ZNF445: variants seen among roughly 807,000 people sequenced by gnomAD.
The protein encoded by ZNF445 is zinc finger protein 445.
Under a neutral mutation model 93.9 loss-of-function variants are expected in ZNF445, and 19 were observed. That is an observed-to-expected ratio of 0.20 (90% CI 0.14 to 0.30). The LOEUF is 0.30. Ranked by LOEUF, ZNF445 falls within the 10% of genes least tolerant of loss-of-function variation. The pLI, the probability that ZNF445 is intolerant of heterozygous loss-of-function variation, is 1.00. For synonymous variants in ZNF445, 449 were observed against 446.3 expected, an observed-to-expected ratio of 1.01 and a Z score of -0.08; for missense variants, 1,058 against 1,259.4, an observed-to-expected ratio of 0.84 and a Z score of 2.42.
At chr3:44,461,053 G>A (rs1206407471) in intron 1 of ZNF445, among the ~76,000 whole-genome samples, 1 of 152,188 alleles carries the variant, frequency 6.6e-6, no homozygotes, top group Non-Finnish European at 1.5e-5. Context: ...TAGTCCTGGG[G>A]GGACATCCCT....
chr3:44,464,038 A>T (rs1318409012), intron 1 of ZNF445, among the ~76,000 whole-genome samples: 1 of 152,168 alleles, frequency 6.6e-6, no homozygotes, highest in East Asian at 1.9e-4. Context: ...AGGCAGGACA[A>T]TCGCTTGAAC....
In ZNF445 at chr3:44,447,231, G is replaced by A. The variant is rs1328575899; in HGVS notation, c.2440C>T (p.Leu814Phe). 1.2e-6 allele frequency: 2 copies of A among 1,614,148 alleles called. No individual in the cohort carries two copies. The highest frequency in any genetic ancestry group is 1.7e-5 in the Admixed American group (1 of 60,020). ...TCATGGCAATCATACTGTTTTTGAA[G>A]AGAGTGAATCCTCTGATGTCGGTAG... ...NLYRHQRIHSLQKQYDCHESE... is the reference protein window; with the variant it reads ...NLYRHQRIHSFQKQYDCHESE... Residue 814 changes from leucine (L) to phenylalanine (F), a missense_variant, in exon 8 of 8, where the codon CTT (leucine) becomes TTT (phenylalanine). Around this residue, in one of 3 missense-constraint regions of ZNF445, gnomAD observed 387 missense variants for 475.7 expected, o/e 0.81. Coordinates refer to ENST00000396077, the MANE Select transcript of ZNF445 (RefSeq NM_181489.6). The surrounding 1 kb of genome is among the most constrained non-coding windows in gnomAD (Gnocchi z 4.7).
In ZNF445 at chr3:44,451,212, A is replaced by G; in HGVS notation, c.598+102T>C. 2.1e-6 allele frequency: 3 copies of G among 1,420,318 alleles called. No individual in the cohort carries two copies. The South Asian group carries it at 3.8e-5, about 18-fold the overall frequency. 88.0% of individuals were successfully genotyped at this position (1,420,318 alleles called of 1,614,324 possible). Reference sequence around the variant, plus strand: ...AGGACAGAGAGCTAAGGGCCAGGACAGAAGGAGATTCTCATGAGAGGACAG... The same window carrying G: ...AGGACAGAGAGCTAAGGGCCAGGACGGAAGGAGATTCTCATGAGAGGACAG... On this transcript the variant is annotated intron_variant, in intron 4 of 7. Coordinates refer to ENST00000396077, the MANE Select transcript of ZNF445 (RefSeq NM_181489.6).
At chr3:44,449,688 T>A in intron 6 of ZNF445, 65 bp from the exon 7 acceptor site, 18 of 1,349,016 alleles carry the variant, frequency 1.3e-5, no homozygotes, top group Non-Finnish European at 1.7e-5. Context: ...CTTCAGGACC[T>A]CTGGGCCTGA....
chr3:44,456,323 A>C lies in ZNF445; in HGVS notation c.-147-627T>G, dbSNP rs987616336. ...TCCCAGCTACTCAGGAAGCTGAGGC[A>C]CAAGAATCACTTGAACCCGGGAGGC... On this transcript the variant is annotated intron_variant, in intron 2 of 7. Transcript: ENST00000396077. Among the ~76,000 whole-genome samples the C allele has an allele frequency of 7.9e-5, 12 of 152,154 alleles. No homozygotes were observed. In the East Asian group the frequency reaches 2.3e-3, roughly 29 times the overall value.
intron 1 of ZNF445, among the ~76,000 whole-genome samples, chr3:44,461,105 T>C (rs1417804260): frequency 6.6e-6 from 1 of 152,218 alleles, no homozygotes; most frequent in East Asian, 1.9e-4. Flanking sequence ...GTAGCCCCAC[T>C]GCAGAGTGTC....
rs145393063 is a variant in ZNF445, at chr3:44,446,393, C to T, written c.*182G>A. 1.4e-3 allele frequency: 1,144 copies of T among 813,834 alleles called. 2 individuals are homozygous for T. Among genetic ancestry groups the T allele is most frequent in the Non-Finnish European group, 2.0e-3 (1,041 of 532,112 alleles). The allele number at this position is 813,834 out of a possible 1,614,324, so 50.4% of individuals were successfully genotyped here. The stretch of plus-strand genomic sequence containing the variant: ...AGGACATGGTGCTGCACTTCCCCAG[C>T]GTCACATCCTAGCAGGCAGGCTGGG... On this transcript the variant is annotated 3_prime_UTR_variant, in exon 8 of 8. Transcript: ENST00000396077. This position sits in a 1 kb window ranked among gnomAD's most constrained non-coding sequence, Gnocchi z 4.2.
Position 44,446,219 on chromosome 3 carries a change from C to A in ZNF445, c.*356G>T, listed in dbSNP as rs1697875445. 7.7e-6 allele frequency: 2 copies of A among 260,168 alleles called. No homozygotes were observed. The highest frequency in any genetic ancestry group is 2.3e-5 in the African/African-American group (1 of 43,648). The allele number at this position is 260,168 out of a possible 1,614,324, so 16.1% of individuals were successfully genotyped here. ...ATCCCACTGGCCCCTTTCCAGCAGC[C>A]ATAGCCCATGATGCCACAGATATTC... On this transcript the variant is annotated 3_prime_UTR_variant, in exon 8 of 8. Transcript: ENST00000396077. This position sits in a 1 kb window ranked among gnomAD's most constrained non-coding sequence, Gnocchi z 4.2.
rs918486881 is a variant in ZNF445, at chr3:44,442,848, C to T, written c.*3727G>A. 1.3e-5 allele frequency: 2 copies of T among 151,700 alleles called. No homozygotes were observed. Among genetic ancestry groups the T allele is most frequent in the Admixed American group, 1.3e-4 (2 of 15,224 alleles). 9.4% of individuals were successfully genotyped at this position (151,700 alleles called of 1,614,324 possible). On this transcript the variant is annotated 3_prime_UTR_variant, in exon 8 of 8. Transcript: ENST00000396077. Reference sequence around the variant, plus strand: ...TGGGTGGCTTCCAGTCAACATTTCACCCCACAGCCCCTTAAAAAAAACCCA... The same window carrying T: ...TGGGTGGCTTCCAGTCAACATTTCATCCCACAGCCCCTTAAAAAAAACCCA...
chr3:44,460,521 A>G (rs1017127574), intron 1 of ZNF445, among the ~76,000 whole-genome samples: 3 of 152,202 alleles, frequency 2.0e-5, no homozygotes, highest in African/African-American at 7.2e-5. Flanking sequence ...CACTTGATGG[A>G]TTAGCTGGCA....
chr3:44,463,480 C>T (rs777377538), intron 1 of ZNF445, among the ~76,000 whole-genome samples: 73 of 152,310 alleles, frequency 4.8e-4, no homozygotes, highest in Non-Finnish European at 4.7e-4. Flanking sequence ...CCTCATGAAA[C>T]CACAGGAATT....
intron 1 of ZNF445, among the ~76,000 whole-genome samples, chr3:44,459,835 A>C (rs58216229): frequency 0.012 from 1,857 of 152,308 alleles, 35 homozygotes; most frequent in African/African-American, 0.043. Flanking sequence ...CACACACTAA[A>C]AAAATGAATT....
chr3:44,449,084 G>C (rs1697920778), intron 7 of ZNF445, among the ~76,000 whole-genome samples: 3 of 152,202 alleles, frequency 2.0e-5, no homozygotes, highest in African/African-American at 4.8e-5. Context: ...AGGAGCACTT[G>C]GCTGAAAGGG....
chr3:44,465,288 G>A (rs1374301877), intron 1 of ZNF445, among the ~76,000 whole-genome samples: 1 of 152,076 alleles, frequency 6.6e-6, no homozygotes, highest in African/African-American at 2.4e-5. Context: ...AAGGTTTTAA[G>A]GATTGTCTTA....
Position 44,446,713 on chromosome 3 carries a change from A to G in ZNF445, c.2958T>C (p.Thr986=), listed in dbSNP as rs191949044. The part of the protein sequence containing the change: ...KCHKCSICGK[T]FNKSSQLISH... The stretch of plus-strand genomic sequence containing the variant: ...TAATGAGTTGTGAACTCTTGTTAAA[A>G]GTTTTCCCACATATGCTGCATTTGT... Residue 986 remains threonine, a synonymous_variant, in exon 8 of 8, where the codon ACT becomes ACC. Transcript: ENST00000396077. The surrounding 1 kb of genome is among the most constrained non-coding windows in gnomAD (Gnocchi z 4.2). 1.9e-6 allele frequency: 3 copies of G among 1,614,178 alleles called. No individual in the cohort carries two copies.
intron 3 of ZNF445, among the ~76,000 whole-genome samples, chr3:44,452,087 T>C (rs1697965745): frequency 6.6e-6 from 1 of 152,182 alleles, no homozygotes; most frequent in African/African-American, 2.4e-5. Context: ...GCAGTGTCCA[T>C]CTAAGTAGAG....
chr3:44,468,383 G>A (rs1302443765), intron 1 of ZNF445, among the ~76,000 whole-genome samples: 1 of 152,192 alleles, frequency 6.6e-6, no homozygotes, highest in Non-Finnish European at 1.5e-5. Flanking sequence ...CTAACTTTGG[G>A]AGAAACTTAC....
intron 2 of ZNF445, among the ~76,000 whole-genome samples, chr3:44,456,245 G>A (rs761107782): frequency 7.2e-5 from 11 of 151,942 alleles, no homozygotes; most frequent in Admixed American, 2.6e-4. Flanking sequence ...GCAAGACCCC[G>A]TCTCTACTAA....
rs1263475381 is a variant in ZNF445, at chr3:44,465,575, T to C, written c.-268-7211A>G. ...AAAAGTTTATGAAAATCTTACCTTA[T>C]GGTTAAACTAACTACTGGATAGAGA... is the stretch of plus-strand genomic sequence containing the variant. On this transcript the variant is annotated intron_variant, in intron 1 of 7. Transcript: ENST00000396077. Among the ~76,000 whole-genome samples, 4 of 152,326 alleles carry C rather than the reference T, an allele frequency of 2.6e-5. No homozygotes were observed. The East Asian group carries it at 7.7e-4, about 29-fold the overall frequency.
Sources: allele counts gnomAD v4.1 joint callset (sites outside exome capture counted in the v4.1 genomes callset), GRCh38; gene constraint gnomAD v4.1.1; regional missense constraint gnomAD v4.1.1; non-coding constraint Gnocchi (gnomAD v3.1); transcripts MANE v1.5; gene names NCBI Gene and HGNC (gene_info 2026-07-23, HGNC 2026-07-21).